Variants in ARFGEF2 observed in about 807,000 individuals in gnomAD.
ARFGEF2 encodes the protein ARF guanine nucleotide exchange factor 2.
In ARFGEF2, 74 loss-of-function variants were observed where a neutral mutation model predicts 219.9. The observed-to-expected ratio is 0.34, with a 90% CI of 0.28 to 0.41. The LOEUF (loss-of-function observed/expected upper bound fraction) is 0.41. ARFGEF2 is among the 10% of genes least tolerant of loss of function. ARFGEF2 has a pLI of 1.00. For missense variants in ARFGEF2, 1,743 were observed against 2,218.3 expected (o/e 0.79, Z 4.30); for synonymous variants, 733 against 799.2 (o/e 0.92, Z 1.40).
chr20:49,019,062 G>C, intron 34 of ARFGEF2, 64 bp downstream of exon 34: 1 of 1,331,862 alleles, frequency 7.5e-7, no homozygotes, highest in South Asian at 1.2e-5. Context: ...ATATTCAGAA[G>C]GCACAAAAGG....
At chr20:48,957,559 T>C (rs2091113220) in intron 6 of ARFGEF2, among the ~76,000 whole-genome samples, 1 of 152,238 alleles carries the variant, frequency 6.6e-6, no homozygotes, top group Admixed American at 6.5e-5. Flanking sequence ...TTTAAGTAGA[T>C]TCTTTGTACC....
intron 14 of ARFGEF2, among the ~76,000 whole-genome samples, chr20:48,977,125 C>T (rs1044976809): frequency 3.3e-5 from 5 of 152,000 alleles, no homozygotes; most frequent in African/African-American, 1.2e-4. Context: ...TATCCCTCCC[C>T]CTGCGCCCCA....
At chr20:48,965,737 C>A in intron 7 of ARFGEF2, 135 bp from the exon 8 acceptor site, 1 of 1,028,372 alleles carries the variant, frequency 9.7e-7, no homozygotes. Context: ...TTATGTCAGT[C>A]ATGGGCTGGT....
At chr20:48,984,938 T>C (rs1003202352) in intron 15 of ARFGEF2, 98 bp downstream of exon 15, 2 of 1,591,946 alleles carry the variant, frequency 1.3e-6, no homozygotes. Flanking sequence ...CTAAGTACAT[T>C]GTCTGTTGTC....
chr20:48,984,877 T>C, intron 15 of ARFGEF2, 37 bp downstream of exon 15: 7 of 1,612,074 alleles, frequency 4.3e-6, no homozygotes, highest in Non-Finnish European at 5.9e-6. Flanking sequence ...ATGTGAGTTC[T>C]GTCAGGTGAT....
At chr20:49,015,137 CAG>C (rs2091522327) in intron 30 of ARFGEF2, among the ~76,000 whole-genome samples, 1 of 152,114 alleles carries the variant, frequency 6.6e-6, no homozygotes, top group Non-Finnish European at 1.5e-5. Flanking sequence ...TTTTTTGAGA[CAG>C]AGTCTTGCTC....
chr20:49,020,259 T>C (rs1266327783), intron 34 of ARFGEF2, among the ~76,000 whole-genome samples: 1 of 152,228 alleles, frequency 6.6e-6, no homozygotes, highest in Non-Finnish European at 1.5e-5. Flanking sequence ...CTGTTAACAT[T>C]GAAGTTAACT....
At chr20:48,940,369 GA>G (rs750235484) in intron 1 of ARFGEF2, among the ~76,000 whole-genome samples, 1 of 152,080 alleles carries the variant, frequency 6.6e-6, no homozygotes, top group Non-Finnish European at 1.5e-5. Flanking sequence ...TGCTGATTAA[GA>G]AAAAGTATGT....
intron 6 of ARFGEF2, among the ~76,000 whole-genome samples, chr20:48,958,689 A>G (rs1031527092): frequency 1.2e-4 from 18 of 151,706 alleles, no homozygotes; most frequent in Non-Finnish European, 2.1e-4. Flanking sequence ...TGATCTGCCC[A>G]CCTCGGCTTC....
intron 8 of ARFGEF2, among the ~76,000 whole-genome samples, chr20:48,967,973 C>A (rs1331901593): frequency 1.3e-5 from 2 of 151,912 alleles, no homozygotes; most frequent in African/African-American, 4.8e-5. Flanking sequence ...GGATATTAAT[C>A]TTTATTATAT....
At chr20:49,007,949 ATTT>A (rs34537217) in intron 26 of ARFGEF2, among the ~76,000 whole-genome samples, 54,587 of 151,596 alleles carry the variant, frequency 0.36, 10,599 homozygotes, top group African/African-American at 0.53. Flanking sequence ...TCCTATTCCC[ATTT>A]GAAAAGGGGC....
rs1172050685 is a variant in ARFGEF2, at chr20:49,011,999, C to T, written c.3833C>T (p.Ala1278Val). 1.2e-6 allele frequency: 2 copies of T among 1,614,120 alleles called. No homozygotes were observed. The highest frequency in any genetic ancestry group is 2.7e-5 in the African/African-American group (2 of 74,930). The change falls in exon 28 of 39, where the codon GCC becomes GTC. Residue 1278 changes from alanine to valine, a missense_variant. Coordinates refer to ENST00000371917, the MANE Select transcript of ARFGEF2 (RefSeq NM_006420.3). ...GCTGTGAAGTGCTTATCAGAGTTCG[C>T]CTGCAACGCCGCTTTCCCTGACACG... Reference protein sequence around the residue: ...QDAVKCLSEFACNAAFPDTSM... With the variant: ...QDAVKCLSEFVCNAAFPDTSM...
At position 49,027,330 on chromosome 20, in the gene ARFGEF2, G is replaced by C. The variant is rs2123571757; in HGVS notation, c.4925-1200G>C. 2.0e-5 allele frequency among the ~76,000 whole-genome samples: 3 copies of C among 152,238 alleles called. No homozygotes were observed. The Middle Eastern group carries it at 0.01, about 518-fold the overall frequency. ...TTACAGGCGTGAGCCGCTGCGCCCA[G>C]CCTAGAATTCTTAAGAGCTGTTACA... On this transcript the variant is annotated intron_variant, in intron 36 of 38. Coordinates refer to ENST00000371917, the MANE Select transcript of ARFGEF2 (RefSeq NM_006420.3).
chr20:49,006,952 T>C (rs2091464692), intron 26 of ARFGEF2, among the ~76,000 whole-genome samples: 3 of 151,918 alleles, frequency 2.0e-5, no homozygotes. Context: ...AGTGCTGGGA[T>C]TACAGGCACG....
At chr20:48,922,451 C>T (rs961732366) in intron 1 of ARFGEF2, among the ~76,000 whole-genome samples, 1 of 152,178 alleles carries the variant, frequency 6.6e-6, no homozygotes, top group Admixed American at 6.5e-5. Context: ...TGGAAGTGCC[C>T]GTTGGAGAAT....
rs1380956730 is a variant in ARFGEF2 at position 48,921,766 on chromosome 20, T to C, written c.-124T>C. ...GGCGCCGTGGGGCCGAGGTGTCGCTTCCTGACGGGGCGGCGCGGACGGACG... is the reference window on the plus strand; with the variant it reads ...GGCGCCGTGGGGCCGAGGTGTCGCTCCCTGACGGGGCGGCGCGGACGGACG... On this transcript the variant is annotated 5_prime_UTR_variant, in exon 1 of 39. Coordinates refer to ENST00000371917, the MANE Select transcript of ARFGEF2 (RefSeq NM_006420.3). 3 of 1,063,332 alleles carry C rather than the reference T, an allele frequency of 2.8e-6. No individual in the cohort carries two copies. Among genetic ancestry groups the C allele is most frequent in the African/African-American group, 3.4e-5 (2 of 59,022 alleles). 65.9% of individuals were successfully genotyped at this position (1,063,332 alleles called of 1,614,324 possible).
At chr20:48,966,074 A>G (rs1335814513) in intron 8 of ARFGEF2, 51 bp downstream of exon 8, 2 of 1,608,588 alleles carry the variant, frequency 1.2e-6, no homozygotes, top group Non-Finnish European at 8.5e-7. Context: ...TACTTTTTCA[A>G]AAGATGCAGA....
At chr20:48,996,760 G>C (rs1480536652) in intron 23 of ARFGEF2, among the ~76,000 whole-genome samples, 4 of 134,596 alleles carry the variant, frequency 3.0e-5, no homozygotes, top group African/African-American at 1.1e-4. Flanking sequence ...AAAAAAAAAA[G>C]CCTACCCATG....
intron 6 of ARFGEF2, among the ~76,000 whole-genome samples, chr20:48,960,314 A>G (rs1568706440): frequency 6.6e-6 from 1 of 152,086 alleles, no homozygotes; most frequent in East Asian, 1.9e-4. Context: ...ATAAAAACTG[A>G]TATACCTGTA....
Sources: gnomAD v4.1 joint callset for allele counts (sites outside exome capture counted in the v4.1 genomes callset) on GRCh38, gnomAD v4.1.1 for gene constraint, MANE v1.5 for transcripts, NCBI Gene and HGNC (gene_info 2026-07-23, HGNC 2026-07-21) for gene names.